The following NEB variants were observed in gnomAD, a reference collection of about 807,000 sequenced individuals.
NEB encodes nemaline myopathy type 2.
In NEB, 512 loss-of-function variants were observed where a neutral mutation model predicts 952.2. The observed-to-expected ratio is 0.54, with a 90% CI of 0.50 to 0.58. NEB has a LOEUF of 0.58. Among genes scored for constraint, NEB ranks in the 20% least tolerant of loss-of-function variants. The probability of loss-of-function intolerance (pLI) is 0.00; values close to 1 mark genes in which losing one functional copy is unlikely to be tolerated. For missense variants in NEB, 8,428 were observed against 9,231.1 expected (o/e 0.91, Z 3.56); for synonymous variants, 2,900 against 3,149.8 (o/e 0.92, Z 2.66).
chr2:151,650,344 G>A lies in NEB; in HGVS notation c.7263C>T (p.Gly2421=). ...LYKSDLEWLR[G]IGWSPLGSLE... is the part of the protein sequence containing the mutation. The stretch of plus-strand genomic sequence containing the variant: ...AAGAACCCAAGGGACTCCATCCTAT[G>A]CCTCTCAGCCACTCAAGGTCAGATT... The change falls in exon 54 of 182, where the codon GGC becomes GGT. Residue 2421 remains glycine, a synonymous_variant. Transcript: ENST00000397345. 6.2e-7 allele frequency: 1 copy of A among 1,613,808 alleles called. No individual in the cohort carries two copies. Among genetic ancestry groups the A allele is most frequent in the Non-Finnish European group, 8.5e-7 (1 of 1,179,824 alleles).
intron 151 of NEB, 144 bp from the exon 152 acceptor site, chr2:151,524,760 G>A (rs1278885005): frequency 2.2e-5 from 15 of 685,626 alleles, no homozygotes; most frequent in Middle Eastern, 4.2e-4. Flanking sequence ...TCTGTCTCCC[G>A]GATTCAAGTG....
chr2:151,678,257 A>G (rs2099387583), intron 32 of NEB, 70 bp from the exon 33 acceptor site: 1 of 983,682 alleles, frequency 1.0e-6, no homozygotes, highest in Admixed American at 2.8e-5. Flanking sequence ...TGAGGCCATG[A>G]TTTGAAGTAA....
At chr2:151,699,037 A>C (rs866819543) in intron 13 of NEB, among the ~76,000 whole-genome samples, 1 of 128,364 alleles carries the variant, frequency 7.8e-6, no homozygotes, top group Non-Finnish European at 1.6e-5. Flanking sequence ...CACAGTCCCC[A>C]GAGTGTGATA....
At chr2:151,492,597 G>A in intron 176 of NEB, 103 bp from the exon 177 acceptor site, 3 of 794,102 alleles carry the variant, frequency 3.8e-6, no homozygotes, top group Non-Finnish European at 5.8e-6. Flanking sequence ...GGGACGCTTG[G>A]GTCAACTGAA....
In NEB at chr2:151,552,815, C is replaced by G. The variant is rs144077905; in HGVS notation, c.19732-39G>C. ...GAAAACAAGCCCATGTTGGACCATT[C>G]CTTATGCTTGAAACTGCTGGTTTTC... On this transcript the variant is annotated intron_variant, in intron 127 of 181. Transcript: ENST00000397345. 9.4e-3 allele frequency: 13,930 copies of G among 1,483,466 alleles called. 98 individuals are homozygous for G. The highest frequency in any genetic ancestry group is 0.011 in the Non-Finnish European group (12,218 of 1,071,456). 91.9% of individuals were successfully genotyped at this position (1,483,466 alleles called of 1,614,324 possible).
In NEB at chr2:151,494,419, A is replaced by G. The variant is rs556986127; in HGVS notation, c.24487-166T>C. 9.8e-5 allele frequency among the ~76,000 whole-genome samples: 15 copies of G among 152,296 alleles called. No homozygotes were observed. The South Asian group carries it at 3.1e-3, about 32-fold the overall frequency. On this transcript the variant is annotated intron_variant, in intron 173 of 181. Transcript: ENST00000397345. ...TTTCCTAAGGAAGTTAAGTGTAGTT[A>G]CAGCAAGACACAACCAGGATAGGCA...
chr2:151,616,221 TC>T, intron 75 of NEB, 112 bp from the exon 76 acceptor site: 1 of 761,580 alleles, frequency 1.3e-6, no homozygotes, highest in Middle Eastern at 2.6e-4. Context: ...ACAAAGTCAA[TC>T]ATTAGGGTGG....
At chr2:151,730,458 G>T (rs1158883069) in intron 3 of NEB, among the ~76,000 whole-genome samples, 1 of 151,962 alleles carries the variant, frequency 6.6e-6, no homozygotes, top group African/African-American at 2.4e-5. Context: ...AATAGATGCA[G>T]AAAGGAACTG....
chr2:151,672,863 C>G (rs140669305), intron 36 of NEB, among the ~76,000 whole-genome samples, 183 bp from the exon 37 acceptor site: 2 of 152,140 alleles, frequency 1.3e-5, no homozygotes, highest in Non-Finnish European at 2.9e-5. Context: ...GTGAGTGTCA[C>G]GATAAATTCA....
Position 151,627,645 on chromosome 2 carries a change from C to T in NEB, c.10021G>A (p.Ala3341Thr). ...CTGACTAAGGTCTGGCACTTCTTGG[C>T]TAACACCACTCCCAGCATGTCCACT... Reference protein sequence around the residue: ...SPVDMLGVVLAKKCQTLVSDV... With the variant: ...SPVDMLGVVLTKKCQTLVSDV... The change falls in exon 69 of 182, where the codon GCC becomes ACC. Residue 3341 changes from alanine to threonine, a missense_variant. Physicochemically the swap from Ala to Thr is moderately conservative, Grantham distance 58 (BLOSUM62 0). Coordinates refer to ENST00000397345, the MANE Select transcript of NEB (RefSeq NM_001164508.2). 6.2e-7 allele frequency: 1 copy of T among 1,614,000 alleles called. No individual in the cohort carries two copies. The highest frequency in any genetic ancestry group is 1.1e-5 in the South Asian group (1 of 91,074).
At chr2:151,636,082 C>T in intron 64 of NEB, 145 bp downstream of exon 64, 1 of 707,832 alleles carries the variant, frequency 1.4e-6, no homozygotes, top group Non-Finnish European at 2.3e-6. Context: ...TTTCATTTCC[C>T]TTAAAACTGA....
At position 151,643,889 on chromosome 2, in the gene NEB, G is replaced by A. The variant is rs1322552881; in HGVS notation, c.7885C>T (p.His2629Tyr). ...TGGTCGGGCAGGCATGTCCACTGGTGCAGGTAGTTCTTGTAGTCCACGTCG... is the reference window on the plus strand; with the variant it reads ...TGGTCGGGCAGGCATGTCCACTGGTACAGGTAGTTCTTGTAGTCCACGTCG... The part of the protein sequence containing the change: ...VSDVDYKNYL[H>Y]QWTCLPDQSD... The change falls in exon 57 of 182, where the codon CAC (histidine) becomes TAC (tyrosine). Residue 2629 changes from histidine to tyrosine, a missense_variant. By Grantham distance (83) the His-to-Tyr change is moderately conservative. Coordinates refer to ENST00000397345, the MANE Select transcript of NEB (RefSeq NM_001164508.2). 2 of 1,614,016 alleles carry A rather than the reference G, an allele frequency of 1.2e-6. No homozygotes were observed. The highest frequency in any genetic ancestry group is 4.5e-5 in the East Asian group (2 of 44,880).
At chr2:151,562,563 C>A in intron 120 of NEB, 48 bp downstream of exon 120, 1 of 1,466,700 alleles carries the variant, frequency 6.8e-7, no homozygotes, top group Non-Finnish European at 9.2e-7. Context: ...AGCCAAGACA[C>A]AGTCATGGAA....
At position 151,506,157 on chromosome 2, in the gene NEB, T is replaced by G. The variant is rs2153186603; in HGVS notation, c.23649+9A>C. 1 of 1,597,780 alleles carries G rather than the reference T, an allele frequency of 6.3e-7. No homozygotes were observed. Among genetic ancestry groups the G allele is most frequent in the Middle Eastern group, 1.7e-4 (1 of 6,040 alleles). On this transcript the variant is annotated intron_variant, in intron 164 of 181. Transcript: ENST00000397345. ...GAAAATATTGCAAGTGCATTCACTG[T>G]GTCTTTACCGAGCTAATGTGGTCCT...
intron 135 of NEB, 30 bp downstream of exon 135, chr2:151,545,858 T>C: frequency 2.2e-6 from 3 of 1,361,352 alleles, no homozygotes; most frequent in Non-Finnish European, 3.1e-6. Context: ...TCAATTTGAT[T>C]GACTTCAATG....
In NEB at chr2:151,680,786, TC is replaced by T; in HGVS notation, c.2985del (p.Ile996LeufsTer61). 6.2e-7 allele frequency: 1 copy of T among 1,613,562 alleles called. No individual in the cohort carries two copies. Among genetic ancestry groups the T allele is most frequent in the Non-Finnish European group, 8.5e-7 (1 of 1,179,562 alleles). ...TGTACTGTAATTGGAGCATCTTCAATCGAGGTAAACTTGAGGGTGTCTGGAT... is the reference window on the plus strand; with the variant it reads ...TGTACTGTAATTGGAGCATCTTCAATGAGGTAAACTTGAGGGTGTCTGGAT... Reference protein sequence around the residue: ...RQHPDTLKFTSIEDAPITVQS... With the variant: ...RQHPDTLKFTXIEDAPITVQS... On this transcript the variant is annotated frameshift_variant, in exon 30 of 182. Coordinates refer to ENST00000397345, the MANE Select transcript of NEB (RefSeq NM_001164508.2). LOFTEE classifies it high-confidence loss of function.
chr2:151,491,585 C>A, intron 179 of NEB, 98 bp downstream of exon 179: 1 of 1,032,314 alleles, frequency 9.7e-7, no homozygotes, highest in South Asian at 1.4e-5. Flanking sequence ...AAATGGAAAA[C>A]TCTGGAGGGA....
intron 179 of NEB, 156 bp downstream of exon 179, chr2:151,491,527 T>C: frequency 1.6e-6 from 1 of 620,494 alleles, no homozygotes; most frequent in Admixed American, 2.7e-5. Context: ...AAAGTAAGTT[T>C]TGCTCACTAG....
intron 161 of NEB, among the ~76,000 whole-genome samples, chr2:151,508,943 C>G (rs1022394071): frequency 6.6e-6 from 1 of 152,204 alleles, no homozygotes; most frequent in Non-Finnish European, 1.5e-5. Context: ...TTTCTTTCAT[C>G]ATCGCTTGTC....
Sources: allele counts gnomAD v4.1 joint callset (sites outside exome capture counted in the v4.1 genomes callset), GRCh38; gene constraint gnomAD v4.1.1; transcripts MANE v1.5; gene names NCBI Gene and HGNC (gene_info 2026-07-23, HGNC 2026-07-21).